The following NCAM2 variants were observed in gnomAD, a reference collection of about 807,000 sequenced individuals.
NCAM2 encodes the protein neural cell adhesion molecule 2, also known as N-CAM-2.
A neutral mutation model predicts 98.1 loss-of-function variants in NCAM2; 30 were observed. The ratio of observed to expected loss-of-function variants is 0.31; its 90% confidence interval spans 0.23 to 0.41. The LOEUF (loss-of-function observed/expected upper bound fraction) is 0.41, where lower values mean the gene tolerates loss of function less well. Among genes scored for constraint, NCAM2 ranks in the 10% least tolerant of loss-of-function variants. The pLI is 1.00. For synonymous variants in NCAM2, 368 were observed against 342.4 expected (o/e 1.07, Z -0.83); for missense variants, 867 against 1,005.8 (o/e 0.86, Z 1.87).
intron 1 of NCAM2, among the ~76,000 whole-genome samples, chr21:21,253,601 G>A (rs1412696640): frequency 6.6e-6 from 1 of 152,080 alleles, no homozygotes; most frequent in Non-Finnish European, 1.5e-5. Flanking sequence ...TCTTTGACTT[G>A]CCAGCCTTCA....
chr21:21,387,127 G>T (rs1361010731), intron 9 of NCAM2, among the ~76,000 whole-genome samples: 1 of 151,452 alleles, frequency 6.6e-6, no homozygotes, highest in East Asian at 1.9e-4. Context: ...TGGGTGACTG[G>T]TAAGGGCCCT....
chr21:21,540,749 G>A lies in NCAM2; in HGVS notation c.*2792G>A, dbSNP rs1358663300. On this transcript the variant is annotated 3_prime_UTR_variant, in exon 18 of 18. Transcript: ENST00000400546. ...AACCCTATGATATTTTAAACCAAGA[G>A]GCAAAGATATCACCTAAAACTTGGT... 1.3e-5 allele frequency: 2 copies of A among 151,838 alleles called. No individual in the cohort carries two copies. The highest frequency in any genetic ancestry group is 1.9e-4 in the East Asian group (1 of 5,194). 9.4% of individuals were successfully genotyped at this position (151,838 alleles called of 1,614,324 possible).
At chr21:21,088,865 G>T (rs538624318) in intron 1 of NCAM2, among the ~76,000 whole-genome samples, 1 of 151,890 alleles carries the variant, frequency 6.6e-6, no homozygotes. Flanking sequence ...CCAGCTACTC[G>T]GGAGGCTGAG....
At chr21:21,459,759 G>T (rs1982689978) in intron 12 of NCAM2, among the ~76,000 whole-genome samples, 1 of 151,496 alleles carries the variant, frequency 6.6e-6, no homozygotes, top group Non-Finnish European at 1.5e-5. Context: ...TTGGTCAAGG[G>T]ATACAAAATT....
At chr21:21,441,240 T>C (rs564281670) in intron 12 of NCAM2, among the ~76,000 whole-genome samples, 1 of 152,158 alleles carries the variant, frequency 6.6e-6, no homozygotes, top group Non-Finnish European at 1.5e-5. Flanking sequence ...TTACGAAGCA[T>C]GGAATACCAA....
At chr21:21,306,953 C>G (rs190621819) in intron 5 of NCAM2, among the ~76,000 whole-genome samples, 1 of 151,858 alleles carries the variant, frequency 6.6e-6, no homozygotes, top group Admixed American at 6.6e-5. Flanking sequence ...AATGTTTGCT[C>G]TTCTGTGCCT....
At chr21:21,478,564 TA>T (rs140641661) in intron 15 of NCAM2, among the ~76,000 whole-genome samples, 5,411 of 152,024 alleles carry the variant, frequency 0.036, 306 homozygotes, top group African/African-American at 0.12. Flanking sequence ...ATCTTTCAAT[TA>T]AAAAGTAATT....
intron 8 of NCAM2, among the ~76,000 whole-genome samples, chr21:21,348,109 C>T (rs1300843010): frequency 2.0e-5 from 3 of 151,940 alleles, no homozygotes; most frequent in African/African-American, 7.2e-5. Context: ...AAAGTACCAA[C>T]TAGAACAATT....
At chr21:21,355,505 A>T (rs62207730) in intron 8 of NCAM2, among the ~76,000 whole-genome samples, 30,832 of 136,384 alleles carry the variant, frequency 0.23, 4,017 homozygotes, top group East Asian at 0.44. Flanking sequence ...AAGAAAAGAA[A>T]TAAGGGAGGG....
At chr21:21,508,390 CAT>C (rs1465873681) in intron 15 of NCAM2, among the ~76,000 whole-genome samples, 6 of 152,142 alleles carry the variant, frequency 3.9e-5, no homozygotes, top group South Asian at 2.1e-4. Context: ...TTAAAACTAA[CAT>C]AATCTCATAT....
chr21:21,190,968 A>C (rs1011670663), intron 1 of NCAM2, among the ~76,000 whole-genome samples: 1 of 152,172 alleles, frequency 6.6e-6, no homozygotes, highest in African/African-American at 2.4e-5. Flanking sequence ...ACAATGTTAG[A>C]TCAAAGGCCG....
rs1042052680 is a variant in NCAM2, at chr21:21,352,947, G to A, written c.1044+14413G>A. Among the ~76,000 whole-genome samples, 8 of 151,702 alleles carry A rather than the reference G, an allele frequency of 5.3e-5. 1 individual carries two copies. The highest frequency in any genetic ancestry group is 4.2e-4 in the South Asian group (2 of 4,800). ...CAGCCCACCACAACTTCCGCTTTTC[G>A]GGTTCAAGCAATTTTCCTGCCTCAG... On this transcript the variant is annotated intron_variant, in intron 8 of 17. Coordinates refer to ENST00000400546, the MANE Select transcript of NCAM2 (RefSeq NM_004540.5).
chr21:21,142,800 T>C (rs892425397), intron 1 of NCAM2, among the ~76,000 whole-genome samples: 2 of 152,244 alleles, frequency 1.3e-5, no homozygotes, highest in East Asian at 3.8e-4. Flanking sequence ...CTTTTATTTT[T>C]TCCCTTATAG....
At chr21:21,227,130 A>G (rs1208502748) in intron 1 of NCAM2, among the ~76,000 whole-genome samples, 1 of 151,948 alleles carries the variant, frequency 6.6e-6, no homozygotes, top group Non-Finnish European at 1.5e-5. Flanking sequence ...TTGAACATAG[A>G]ATTAAAGATA....
At chr21:21,454,482 A>C (rs1293065078) in intron 12 of NCAM2, among the ~76,000 whole-genome samples, 3 of 152,038 alleles carry the variant, frequency 2.0e-5, no homozygotes, top group Non-Finnish European at 2.9e-5. Context: ...TACAGCTCAT[A>C]AATACGAACC....
chr21:21,017,711 T>G (rs1243846208), intron 1 of NCAM2, among the ~76,000 whole-genome samples: 2 of 152,094 alleles, frequency 1.3e-5, no homozygotes, highest in Non-Finnish European at 2.9e-5. Flanking sequence ...ATGCACGCGC[T>G]CCATAATTTC....
intron 16 of NCAM2, among the ~76,000 whole-genome samples, chr21:21,510,285 C>T (rs1210865206): frequency 6.6e-6 from 1 of 152,128 alleles, no homozygotes; most frequent in Admixed American, 6.6e-5. Context: ...AGCCATATCA[C>T]AATTCAGAAC....
chr21:21,290,444 C>CTT (rs2073250411), intron 4 of NCAM2, among the ~76,000 whole-genome samples: 1 of 151,852 alleles, frequency 6.6e-6, no homozygotes, highest in Non-Finnish European at 1.5e-5. Context: ...GAGTTATCTT[C>CTT]TAACATTTCT....
At chr21:21,032,693 G>C (rs1329535609) in intron 1 of NCAM2, among the ~76,000 whole-genome samples, 1 of 151,924 alleles carries the variant, frequency 6.6e-6, no homozygotes, top group Non-Finnish European at 1.5e-5. Context: ...AAACTATAAG[G>C]AATTGTTATT....
Sources: gnomAD v4.1 joint callset for allele counts (sites outside exome capture counted in the v4.1 genomes callset) on GRCh38, gnomAD v4.1.1 for gene constraint, MANE v1.5 for transcripts, NCBI Gene and HGNC (gene_info 2026-07-23, HGNC 2026-07-21) for gene names.